The following AFF3 variants were observed in gnomAD, a reference collection of about 807,000 sequenced individuals.
The protein encoded by AFF3 is ALF transcription elongation factor 3.
AFF3 carries 32 observed loss-of-function variants against 129.7 expected under a neutral mutation model. That is an observed-to-expected ratio of 0.25 (90% confidence interval 0.19 to 0.33). AFF3 has a LOEUF of 0.33. Ranked by LOEUF, AFF3 falls within the 10% of genes least tolerant of loss-of-function variation. The probability of loss-of-function intolerance (pLI) is 1.00; values close to 1 mark genes in which losing one functional copy is unlikely to be tolerated. For missense variants in AFF3, 1,373 were observed against 1,592.0 expected (o/e 0.86, Z 2.34); for synonymous variants, 644 against 635.4 (o/e 1.01, Z -0.20).
chr2:100,061,575 G>C (rs1331154721), intron 4 of AFF3, among the ~76,000 whole-genome samples: 1 of 152,132 alleles, frequency 6.6e-6, no homozygotes, highest in Non-Finnish European at 1.5e-5. Flanking sequence ...CCATGATGGA[G>C]GCAACACATG....
chr2:99,829,310 T>C (rs1688339573), intron 8 of AFF3, among the ~76,000 whole-genome samples: 1 of 152,070 alleles, frequency 6.6e-6, no homozygotes, highest in South Asian at 2.1e-4. Flanking sequence ...CTAAAAAGCT[T>C]CTGCACAGCA....
At chr2:100,130,912 A>G (rs1692403159) in intron 1 of AFF3, among the ~76,000 whole-genome samples, 1 of 152,194 alleles carries the variant, frequency 6.6e-6, no homozygotes, top group Admixed American at 6.5e-5. Flanking sequence ...ATAGTCAAGC[A>G]TCTCTTAAAG....
chr2:99,922,206 G>C (rs991691461), intron 7 of AFF3, among the ~76,000 whole-genome samples: 3 of 152,136 alleles, frequency 2.0e-5, no homozygotes, highest in Admixed American at 6.5e-5. Flanking sequence ...CCATAACCCA[G>C]CACTTTCACT....
chr2:100,042,378 T>C (rs542363363), intron 4 of AFF3, among the ~76,000 whole-genome samples: 218 of 152,324 alleles, frequency 1.4e-3, no homozygotes, highest in Middle Eastern at 3.4e-3. Flanking sequence ...ATATATTGTT[T>C]TTTTTCTGAT....
chr2:99,916,721 G>T (rs80002812), intron 7 of AFF3, among the ~76,000 whole-genome samples: 6 of 151,942 alleles, frequency 3.9e-5, no homozygotes, highest in Admixed American at 2.0e-4. Flanking sequence ...TCCTGAGAAC[G>T]CATATCATGG....
intron 7 of AFF3, among the ~76,000 whole-genome samples, chr2:99,992,485 T>C (rs1330157624): frequency 2.6e-5 from 4 of 152,230 alleles, no homozygotes; most frequent in Admixed American, 6.5e-5. Flanking sequence ...CTTACTTCAA[T>C]CAAATTTATA....
chr2:100,122,704 G>T (rs528734172), intron 2 of AFF3, among the ~76,000 whole-genome samples: 1 of 152,292 alleles, frequency 6.6e-6, no homozygotes, highest in South Asian at 2.1e-4. Flanking sequence ...GATAAATGAA[G>T]TCAATGTTTC....
chr2:99,818,021 C>T (rs924066504), intron 8 of AFF3, among the ~76,000 whole-genome samples: 17 of 152,096 alleles, frequency 1.1e-4, no homozygotes, highest in Non-Finnish European at 2.9e-5. Flanking sequence ...AAATAACTGG[C>T]TTTTTATAGC....
chr2:99,549,629 T>C lies in AFF3; in HGVS notation c.*1845A>G, dbSNP rs1005447546. The C allele has an allele frequency of 2.4e-5, 5 of 205,636 alleles. No individual in the cohort carries two copies. The East Asian group carries it at 3.7e-4, about 15-fold the overall frequency. 12.7% of individuals were successfully genotyped at this position (205,636 alleles called of 1,614,324 possible). ...GTAAGAAGCACCCCAGTTGGAGACA[T>C]GTAAAATGGAAATTCTCTTAATATT... On this transcript the variant is annotated 3_prime_UTR_variant, in exon 25 of 25. Coordinates refer to ENST00000672756, the MANE Select transcript of AFF3 (RefSeq NM_001386135.1).
chr2:100,030,537 T>C lies in AFF3; in HGVS notation c.54-21605A>G, dbSNP rs548173686. On this transcript the variant is annotated intron_variant, in intron 4 of 24. Coordinates refer to ENST00000672756, the MANE Select transcript of AFF3 (RefSeq NM_001386135.1). ...GATATCTACCCAATTAATCTGAAAA[T>C]GTACGTCCATATAAAAATCTACATG... Among the ~76,000 whole-genome samples the C allele has an allele frequency of 3.1e-4, 47 of 152,266 alleles. No homozygotes were observed. In the South Asian group the frequency reaches 6.8e-3, roughly 22 times the overall value.
intron 11 of AFF3, among the ~76,000 whole-genome samples, chr2:99,688,094 G>A (rs914784339): frequency 2.0e-5 from 3 of 151,996 alleles, no homozygotes; most frequent in East Asian, 3.9e-4. Flanking sequence ...CGCCCGCCTC[G>A]GCCTCCCAAA....
chr2:99,864,658 C>A lies in AFF3; in HGVS notation c.874-27134G>T, dbSNP rs540808641. On this transcript the variant is annotated intron_variant, in intron 7 of 24. Transcript: ENST00000672756. The stretch of plus-strand genomic sequence containing the variant: ...ACACTCTGCTGCGACTGGTACCCGA[C>A]AAACCAACAATGAGCAATGAGAAGC... Among the ~76,000 whole-genome samples the A allele has an allele frequency of 2.0e-5, 3 of 152,268 alleles. No homozygotes were observed. The South Asian group carries it at 6.2e-4, about 32-fold the overall frequency.
At chr2:99,621,618 C>T (rs1682022346) in intron 13 of AFF3, among the ~76,000 whole-genome samples, 1 of 152,128 alleles carries the variant, frequency 6.6e-6, no homozygotes. Flanking sequence ...TTAATCATGT[C>T]CTTATAGTTG....
chr2:100,007,749 C>A, intron 5 of AFF3: 2 of 405,692 alleles, frequency 4.9e-6, no homozygotes, highest in Non-Finnish European at 9.0e-6. Flanking sequence ...CCGAGGTGGG[C>A]GGAACACCTG....
chr2:100,119,123 C>T (rs920625123), intron 2 of AFF3, among the ~76,000 whole-genome samples: 8 of 152,224 alleles, frequency 5.3e-5, no homozygotes, highest in African/African-American at 9.6e-5. Context: ...TTTGTATACA[C>T]ATAGTCTTAA....
intron 2 of AFF3, among the ~76,000 whole-genome samples, chr2:100,122,105 A>G (rs1692005469): frequency 6.6e-6 from 1 of 152,208 alleles, no homozygotes; most frequent in Non-Finnish European, 1.5e-5. Flanking sequence ...TAACAAGCAT[A>G]TGCTATTTTG....
chr2:100,134,094 T>C (rs1329001508), intron 1 of AFF3, among the ~76,000 whole-genome samples: 1 of 152,214 alleles, frequency 6.6e-6, no homozygotes, highest in Non-Finnish European at 1.5e-5. Flanking sequence ...ATGTAGCTTG[T>C]TTCCTCATTT....
intron 13 of AFF3, among the ~76,000 whole-genome samples, chr2:99,610,551 C>T (rs9308824): frequency 0.015 from 2,290 of 152,232 alleles, 55 homozygotes; most frequent in African/African-American, 0.052. Context: ...ATGGTACAGA[C>T]CTTTAAAGGT....
intron 4 of AFF3, among the ~76,000 whole-genome samples, chr2:100,075,859 C>T (rs956018106): frequency 6.6e-6 from 1 of 152,110 alleles, no homozygotes; most frequent in Non-Finnish European, 1.5e-5. Flanking sequence ...CCTTTGGAGG[C>T]ATAGTGCTGT....
Sources: gnomAD v4.1 joint callset for allele counts (sites outside exome capture counted in the v4.1 genomes callset) on GRCh38, gnomAD v4.1.1 for gene constraint, MANE v1.5 for transcripts, NCBI Gene and HGNC (gene_info 2026-07-23, HGNC 2026-07-21) for gene names.